The following SLC36A3 variants were observed in gnomAD, a reference collection of about 807,000 sequenced individuals.
SLC36A3 encodes the protein proton-coupled amino acid transporter 3.
Under a neutral mutation model 44.3 loss-of-function variants are expected in SLC36A3, and 35 were observed. That is an observed-to-expected ratio of 0.79 (90% CI 0.60 to 1.05). The LOEUF (loss-of-function observed/expected upper bound fraction) is 1.05, where lower values mean the gene tolerates loss of function less well. SLC36A3 is among the 50% of genes least tolerant of loss of function. The pLI is 0.00. For synonymous variants in SLC36A3, 211 were observed against 227.6 expected (o/e 0.93, Z 0.66); for missense variants, 540 against 578.7 (o/e 0.93, Z 0.69).
At chr5:151,280,258 C>G (rs1450434698) in intron 9 of SLC36A3, among the ~76,000 whole-genome samples, 1 of 152,004 alleles carries the variant, frequency 6.6e-6, no homozygotes, top group Non-Finnish European at 1.5e-5. Context: ...ATTTTGAGAC[C>G]AGCTGGCAAA....
At chr5:151,300,113 G>A (rs1271646461) in intron 1 of SLC36A3, among the ~76,000 whole-genome samples, 1 of 152,220 alleles carries the variant, frequency 6.6e-6, no homozygotes, top group Non-Finnish European at 1.5e-5. Flanking sequence ...CGAAGTCTCA[G>A]GCTAAGACAG....
At chr5:151,294,755 G>A (rs533402357) in intron 3 of SLC36A3, among the ~76,000 whole-genome samples, 3 of 151,760 alleles carry the variant, frequency 2.0e-5, no homozygotes, top group South Asian at 2.1e-4. Flanking sequence ...TCAGCCTCCC[G>A]AGTAGCTGGG....
chr5:151,292,401 G>A (rs1388609303), intron 4 of SLC36A3, among the ~76,000 whole-genome samples: 1 of 152,108 alleles, frequency 6.6e-6, no homozygotes, highest in Non-Finnish European at 1.5e-5. Context: ...TGCTGGGGAA[G>A]GCTCCAATGT....
In SLC36A3 at chr5:151,276,370, G is replaced by C. The variant is rs76105005; in HGVS notation, c.*1023C>G. 7.9e-5 allele frequency among the ~76,000 whole-genome samples: 12 copies of C among 151,924 alleles called. No homozygotes were observed. The highest frequency in any genetic ancestry group is 2.9e-4 in the African/African-American group (12 of 41,350). Reference sequence around the variant, plus strand: ...CCAGTTTGTATTCTTTTTTTGGTCTGGATTTTGTCATTCAGCATATTTATT... The same window carrying C: ...CCAGTTTGTATTCTTTTTTTGGTCTCGATTTTGTCATTCAGCATATTTATT... On this transcript the variant is annotated 3_prime_UTR_variant, in exon 10 of 10. Coordinates refer to ENST00000335230, the MANE Select transcript of SLC36A3 (RefSeq NM_181774.4).
chr5:151,286,608 A>T (rs1300192633), intron 6 of SLC36A3, among the ~76,000 whole-genome samples: 1 of 152,126 alleles, frequency 6.6e-6, no homozygotes, highest in Admixed American at 6.5e-5. Context: ...TGTTAGACCT[A>T]GTTGTTTCTT....
At chr5:151,294,402 G>A (rs1474867191) in intron 3 of SLC36A3, among the ~76,000 whole-genome samples, 1 of 152,166 alleles carries the variant, frequency 6.6e-6, no homozygotes, top group Non-Finnish European at 1.5e-5. Flanking sequence ...TGGTGATCTG[G>A]TGGGTGACAG....
chr5:151,293,562 A>G (rs971231844), intron 3 of SLC36A3, 103 bp from the exon 4 acceptor site: 23 of 907,860 alleles, frequency 2.5e-5, no homozygotes, highest in Non-Finnish European at 3.6e-5. Flanking sequence ...GTGAGCATGA[A>G]GCCTTCTGTC....
intron 5 of SLC36A3, among the ~76,000 whole-genome samples, chr5:151,288,096 A>C (rs1240882731): frequency 6.6e-6 from 1 of 152,202 alleles, no homozygotes; most frequent in Non-Finnish European, 1.5e-5. Flanking sequence ...GAGATACTCA[A>C]AGTAAATGTC....
intron 5 of SLC36A3, among the ~76,000 whole-genome samples, chr5:151,288,103 T>C (rs1055340539): frequency 1.3e-5 from 2 of 152,234 alleles, no homozygotes; most frequent in Non-Finnish European, 2.9e-5. Flanking sequence ...TCAAAGTAAA[T>C]GTCACCAGTG....
chr5:151,281,765 C>A (rs897309418), intron 8 of SLC36A3, among the ~76,000 whole-genome samples: 5 of 146,238 alleles, frequency 3.4e-5, no homozygotes, highest in Admixed American at 3.3e-4. Context: ...TTGCAGTGAG[C>A]CGAAATTGCA....
rs199672758 is a variant in SLC36A3 at position 151,284,754 on chromosome 5, C to T, written c.709-43G>A. ...AAGCACATTGGTGTTGTTATGGTGT[C>T]GAAGTCATCCCAAATCTTTGCCTGG... On this transcript the variant is annotated intron_variant, in intron 6 of 9. Transcript: ENST00000335230. 557 of 1,491,564 alleles carry T rather than the reference C, an allele frequency of 3.7e-4. 2 individuals are homozygous for T. The highest frequency in any genetic ancestry group is 1.4e-3 in the East Asian group (63 of 44,064). The allele number at this position is 1,491,564 out of a possible 1,614,324, so 92.4% of individuals were successfully genotyped here.
chr5:151,284,309 G>C, intron 7 of SLC36A3, 99 bp from the exon 8 acceptor site: 1 of 1,241,724 alleles, frequency 8.1e-7, no homozygotes, highest in Non-Finnish European at 1.1e-6. Flanking sequence ...TCCTTCCCCA[G>C]GTGGGCCCAG....
Position 151,282,957 on chromosome 5 carries a change from T to C in SLC36A3, c.974+1087A>G, listed in dbSNP as rs557067913. ...TGGAATGCAATGGCGTGATCTCGGC[T>C]CACTGCAACCTCTGCCTCACAGGCT... On this transcript the variant is annotated intron_variant, in intron 8 of 9. Coordinates refer to ENST00000335230, the MANE Select transcript of SLC36A3 (RefSeq NM_181774.4). Among the ~76,000 whole-genome samples the C allele has an allele frequency of 5.7e-4, 86 of 152,062 alleles. No individual in the cohort carries two copies. The Middle Eastern group carries it at 0.01, about 18-fold the overall frequency.
chr5:151,300,420 G>T (rs537041032), intron 1 of SLC36A3, among the ~76,000 whole-genome samples: 1 of 152,270 alleles, frequency 6.6e-6, no homozygotes, highest in East Asian at 1.9e-4. Context: ...CCTAAGGATG[G>T]GGGGGTGGGC....
chr5:151,289,315 T>C (rs935243466), intron 4 of SLC36A3, among the ~76,000 whole-genome samples: 4 of 152,112 alleles, frequency 2.6e-5, no homozygotes, highest in African/African-American at 9.7e-5. Context: ...CAATTCTCTC[T>C]AAAGTACCTT....
At chr5:151,299,476 TAGA>T (rs1755100775) in intron 1 of SLC36A3, among the ~76,000 whole-genome samples, 1 of 151,556 alleles carries the variant, frequency 6.6e-6, no homozygotes, top group Non-Finnish European at 1.5e-5. Context: ...ACTGTGCATA[TAGA>T]GTACTTATGA....
intron 4 of SLC36A3, among the ~76,000 whole-genome samples, chr5:151,291,547 T>C (rs911627222): frequency 1.6e-4 from 25 of 152,200 alleles, no homozygotes; most frequent in Non-Finnish European, 3.1e-4. Context: ...TTCCTCATGA[T>C]GCTATTTATC....
intron 4 of SLC36A3, among the ~76,000 whole-genome samples, chr5:151,292,204 G>A (rs1754784527): frequency 6.6e-6 from 1 of 152,156 alleles, no homozygotes; most frequent in Admixed American, 6.5e-5. Context: ...GTATCTCTCA[G>A]TAAATTAAAG....
rs147915045 is a variant in SLC36A3 at position 151,276,529 on chromosome 5, T to A, written c.*864A>T. 2.6e-4 allele frequency among the ~76,000 whole-genome samples: 39 copies of A among 152,372 alleles called. No individual in the cohort carries two copies. Among genetic ancestry groups the A allele is most frequent in the African/African-American group, 8.7e-4 (36 of 41,596 alleles). ...TATAGACATTTAGAGTATTTCCAACTTCTTTGCTTTTATAAGTAAAGTTAC... is the reference window on the plus strand; with the variant it reads ...TATAGACATTTAGAGTATTTCCAACATCTTTGCTTTTATAAGTAAAGTTAC... On this transcript the variant is annotated 3_prime_UTR_variant, in exon 10 of 10. Coordinates refer to ENST00000335230, the MANE Select transcript of SLC36A3 (RefSeq NM_181774.4).
Sources: gnomAD v4.1 joint callset for allele counts (sites outside exome capture counted in the v4.1 genomes callset) on GRCh38, gnomAD v4.1.1 for gene constraint, MANE v1.5 for transcripts, NCBI Gene and HGNC (gene_info 2026-07-23, HGNC 2026-07-21) for gene names.